The following MAP2K1 variants were observed in gnomAD, a reference collection of about 807,000 sequenced individuals.
MAP2K1 encodes the protein dual specificity mitogen-activated protein kinase kinase 1.
A neutral mutation model predicts 46.3 loss-of-function variants in MAP2K1; 16 were observed. That is an observed-to-expected ratio of 0.35 (90% CI 0.23 to 0.52). MAP2K1 has a LOEUF of 0.52. MAP2K1 is among the 20% of genes least tolerant of loss of function. MAP2K1 has a pLI of 0.94. For synonymous variants in MAP2K1, 183 were observed against 185.6 expected (o/e 0.99, Z 0.11); for missense variants, 263 against 497.1 (o/e 0.53, Z 4.48).
intron 1 of MAP2K1, among the ~76,000 whole-genome samples, chr15:66,426,883 A>G (rs147183411): frequency 2.3e-3 from 352 of 152,370 alleles, no homozygotes; most frequent in Non-Finnish European, 4.3e-3. Context: ...AGAACTCTCC[A>G]GGTAAATACC....
intron 1 of MAP2K1, among the ~76,000 whole-genome samples, chr15:66,422,173 C>T (rs1382561666): frequency 2.0e-5 from 3 of 152,194 alleles, no homozygotes; most frequent in African/African-American, 7.2e-5. Flanking sequence ...TTCTACCCTG[C>T]CACAGCAACT....
chr15:66,426,373 AAC>A (rs1555415238), intron 1 of MAP2K1, among the ~76,000 whole-genome samples: 1 of 151,674 alleles, frequency 6.6e-6, no homozygotes, highest in African/African-American at 2.4e-5. Context: ...AAAAAAAAAA[AAC>A]CTTTATAATT....
intron 1 of MAP2K1, among the ~76,000 whole-genome samples, chr15:66,390,685 T>C (rs2093354294): frequency 2.0e-5 from 3 of 152,304 alleles, no homozygotes; most frequent in African/African-American, 7.2e-5. Context: ...GAGATAATAT[T>C]GTTCCTCTGT....
rs777034893 is a variant in MAP2K1 at position 66,478,962 on chromosome 15, C to G, written c.569-2793C>G. Among the ~76,000 whole-genome samples the G allele has an allele frequency of 2.0e-5, 3 of 152,194 alleles. No individual in the cohort carries two copies. In the South Asian group the frequency reaches 6.2e-4, roughly 32 times the overall value. On this transcript the variant is annotated intron_variant, in intron 5 of 10. Transcript: ENST00000307102. ...TGTTCAGTGGACAGTAGGTGATGAC[C>G]GTTAGAGCATGGCAGCAGGGTGGGT...
intron 1 of MAP2K1, among the ~76,000 whole-genome samples, chr15:66,423,644 G>T (rs1472607589): frequency 9.0e-6 from 1 of 111,096 alleles, no homozygotes; most frequent in Non-Finnish European, 1.7e-5. Flanking sequence ...TTTCACTCTT[G>T]TTGACCAGGC....
At position 66,469,723 on chromosome 15, in the gene MAP2K1, C is replaced by CACACACACACACACACACACACACACAT. The variant is rs143830560; in HGVS notation, c.569-12031_569-12030insCACACACACACACACACACACACACATA. 3.7e-3 allele frequency among the ~76,000 whole-genome samples: 493 copies of CACACACACACACACACACACACACACAT among 134,500 alleles called. 27 individuals are homozygous for CACACACACACACACACACACACACACAT. The highest frequency in any genetic ancestry group is 7.0e-3 in the East Asian group (27 of 3,878). The allele number at this position is 134,500 out of a possible 152,430, so 88.2% of individuals were successfully genotyped here. On this transcript the variant is annotated intron_variant, in intron 5 of 10. Transcript: ENST00000307102. ...ACACACACACACACACACACACACA[C>CACACACACACACACACACACACACACAT]ATATCGGATGTTAGCTTTTAATTAA... is the stretch of plus-strand genomic sequence containing the variant.
In MAP2K1 at chr15:66,420,803, GTGTATA is replaced by G. The variant is rs2093438055; in HGVS notation, c.81-14222_81-14217del. Among the ~76,000 whole-genome samples the G allele has an allele frequency of 2.1e-5, 2 of 95,130 alleles. 1 individual carries two copies. The highest frequency in any genetic ancestry group is 4.3e-5 in the Non-Finnish European group (2 of 46,230). The allele number at this position is 95,130 out of a possible 152,430, so 62.4% of individuals were successfully genotyped here. On this transcript the variant is annotated intron_variant, in intron 1 of 10. Transcript: ENST00000307102. ...TGTATATATATGTGTGTATATATAT[GTGTATA>G]TATATGTGTATATATATATGTGTAT...
intron 5 of MAP2K1, among the ~76,000 whole-genome samples, chr15:66,452,107 A>G (rs1454625582): frequency 2.1e-5 from 2 of 95,866 alleles, no homozygotes; most frequent in African/African-American, 7.7e-5. Flanking sequence ...TGGACACAGG[A>G]AGGGGAATAT....
chr15:66,397,636 C>T (rs965117338), intron 1 of MAP2K1, among the ~76,000 whole-genome samples: 3 of 152,140 alleles, frequency 2.0e-5, no homozygotes, highest in African/African-American at 7.2e-5. Context: ...ATATTTCATA[C>T]GCTGCTTGTC....
intron 1 of MAP2K1, among the ~76,000 whole-genome samples, chr15:66,424,909 C>T (rs1024184276): frequency 2.0e-5 from 3 of 151,080 alleles, no homozygotes; most frequent in South Asian, 4.2e-4. Flanking sequence ...GCGATTCTCC[C>T]GCCTCAGCCT....
chr15:66,434,752 T>C (rs1005845277), intron 1 of MAP2K1, among the ~76,000 whole-genome samples: 14 of 152,222 alleles, frequency 9.2e-5, no homozygotes, highest in African/African-American at 3.4e-4. Context: ...GTTCCTCTCA[T>C]TGACTTGCAG....
intron 5 of MAP2K1, among the ~76,000 whole-genome samples, chr15:66,460,622 G>A (rs1029286853): frequency 6.6e-6 from 1 of 152,306 alleles, no homozygotes; most frequent in East Asian, 1.9e-4. Context: ...TTTTATCATG[G>A]GCAACAGGAA....
In MAP2K1 at chr15:66,423,335, A is replaced by C. The variant is rs148872895; in HGVS notation, c.81-11692A>C. ...TTTAAGGCCTCTGTCTGATAGTTCCAACATCTGGGTCATCTGAGTCTGGTT... is the reference window on the plus strand; with the variant it reads ...TTTAAGGCCTCTGTCTGATAGTTCCCACATCTGGGTCATCTGAGTCTGGTT... On this transcript the variant is annotated intron_variant, in intron 1 of 10. Coordinates refer to ENST00000307102, the MANE Select transcript of MAP2K1 (RefSeq NM_002755.4). Among the ~76,000 whole-genome samples the C allele has an allele frequency of 3.9e-5, 6 of 152,278 alleles. No individual in the cohort carries two copies. In the East Asian group the frequency reaches 1.2e-3, roughly 29 times the overall value.
chr15:66,473,815 C>T (rs1361299239), intron 5 of MAP2K1, among the ~76,000 whole-genome samples: 2 of 152,072 alleles, frequency 1.3e-5, no homozygotes, highest in Non-Finnish European at 1.5e-5. Context: ...GTAGCTGGGA[C>T]TACCGGTGCA....
At chr15:66,410,024 C>T (rs2093407428) in intron 1 of MAP2K1, among the ~76,000 whole-genome samples, 1 of 152,158 alleles carries the variant, frequency 6.6e-6, no homozygotes, top group African/African-American at 2.4e-5. Flanking sequence ...GTTCAGCCTC[C>T]TGTATGTATA....
rs113639504 is a variant in MAP2K1, at chr15:66,432,425, A to G, written c.81-2602A>G. Among the ~76,000 whole-genome samples the G allele has an allele frequency of 5.4e-3, 822 of 152,364 alleles. 5 individuals carry two copies. The highest frequency in any genetic ancestry group is 9.3e-3 in the Non-Finnish European group (634 of 68,032). ...GGTGTAAGAATTACTTATTTCAAAG[A>G]GTCAGAAAAGTGAACAGAGTCAGCA... On this transcript the variant is annotated intron_variant, in intron 1 of 10. Transcript: ENST00000307102.
intron 1 of MAP2K1, among the ~76,000 whole-genome samples, chr15:66,430,572 G>C (rs2093472761): frequency 6.6e-6 from 1 of 152,168 alleles, no homozygotes; most frequent in Non-Finnish European, 1.5e-5. Context: ...GGTTGAAAAG[G>C]GCAGTGTGGG....
intron 5 of MAP2K1, among the ~76,000 whole-genome samples, chr15:66,456,574 A>G (rs1892170029): frequency 6.6e-6 from 1 of 152,174 alleles, no homozygotes; most frequent in Admixed American, 6.5e-5. Context: ...CTAGCCCCAG[A>G]CACATCTAGT....
chr15:66,434,715 T>C (rs1216860784), intron 1 of MAP2K1, among the ~76,000 whole-genome samples: 1 of 152,206 alleles, frequency 6.6e-6, no homozygotes, highest in Non-Finnish European at 1.5e-5. Context: ...TTAAGGTGGC[T>C]CATTCTGGAT....
Sources: allele counts gnomAD v4.1 joint callset (sites outside exome capture counted in the v4.1 genomes callset), GRCh38; gene constraint gnomAD v4.1.1; transcripts MANE v1.5; gene names NCBI Gene and HGNC (gene_info 2026-07-23, HGNC 2026-07-21).